The following RBM25 variants were observed in gnomAD, a reference collection of about 807,000 sequenced individuals.
RBM25 encodes the protein RNA-binding protein 25.
A neutral mutation model predicts 120.7 loss-of-function variants in RBM25; 19 were observed. That is an observed-to-expected ratio of 0.16 (90% confidence interval 0.11 to 0.23). RBM25 has a LOEUF of 0.23. Ranked by LOEUF, RBM25 falls within the 10% of genes least tolerant of loss-of-function variation. RBM25 has a pLI of 1.00. For synonymous variants in RBM25, 390 were observed against 326.7 expected (o/e 1.19, Z -2.09); for missense variants, 605 against 1,041.5 (o/e 0.58, Z 5.77).
chr14:73,082,064 G>C (rs1895575926), intron 4 of RBM25, among the ~76,000 whole-genome samples: 1 of 152,090 alleles, frequency 6.6e-6, no homozygotes, highest in Admixed American at 6.6e-5. Context: ...AACTCTGTTT[G>C]GATGTTGAGC....
chr14:73,112,335 G>T, intron 17 of RBM25, 85 bp downstream of exon 17: 1 of 1,281,716 alleles, frequency 7.8e-7, no homozygotes, highest in African/African-American at 1.6e-5. Context: ...AAATTTTACA[G>T]AGTCAAGTTC....
At chr14:73,097,521 G>C (rs1420000633) in intron 7 of RBM25, among the ~76,000 whole-genome samples, 1 of 152,056 alleles carries the variant, frequency 6.6e-6, no homozygotes, top group Admixed American at 6.6e-5. Flanking sequence ...TTTTTACAGA[G>C]ACAAGGTCTC....
intron 4 of RBM25, among the ~76,000 whole-genome samples, chr14:73,083,132 T>G (rs1303951046): frequency 6.6e-6 from 1 of 152,164 alleles, no homozygotes; most frequent in African/African-American, 2.4e-5. Flanking sequence ...AAAACATTTC[T>G]TTATAGATTC....
At chr14:73,114,630 A>G (rs1423593754) in intron 18 of RBM25, among the ~76,000 whole-genome samples, 1 of 152,194 alleles carries the variant, frequency 6.6e-6, no homozygotes, top group Non-Finnish European at 1.5e-5. Context: ...GGCCTGAATT[A>G]AAACTTGAGT....
At chr14:73,113,340 G>A (rs913165717) in intron 17 of RBM25, among the ~76,000 whole-genome samples, 18 of 151,808 alleles carry the variant, frequency 1.2e-4, no homozygotes, top group Non-Finnish European at 2.1e-4. Flanking sequence ...GCCCAAGTTG[G>A]CCTCCCAAAG....
At chr14:73,081,500 GA>G (rs1895562773) in intron 4 of RBM25, among the ~76,000 whole-genome samples, 1 of 144,580 alleles carries the variant, frequency 6.9e-6, no homozygotes, top group Non-Finnish European at 1.5e-5. Flanking sequence ...TTTATCCTTG[GA>G]TTTTTTTCTG....
At chr14:73,096,784 C>A in intron 6 of RBM25, 131 bp from the exon 7 acceptor site, 4 of 698,552 alleles carry the variant, frequency 5.7e-6, no homozygotes, top group Non-Finnish European at 7.0e-6. Context: ...AAGAACAAAA[C>A]CAATTCTGTG....
chr14:73,102,767 A>G (rs1990059), intron 9 of RBM25: 13,517 of 160,208 alleles, frequency 0.084, 686 homozygotes, highest in Middle Eastern at 0.21. Context: ...GAAACCCTCA[A>G]CTTGAGGTAA....
chr14:73,086,295 G>T (rs1290528630), intron 5 of RBM25, among the ~76,000 whole-genome samples: 1 of 151,956 alleles, frequency 6.6e-6, no homozygotes, highest in African/African-American at 2.4e-5. Flanking sequence ...GAAATTAGCT[G>T]AGTGTGGTGG....
intron 4 of RBM25, among the ~76,000 whole-genome samples, chr14:73,079,396 C>G (rs897483451): frequency 1.3e-5 from 2 of 150,680 alleles, no homozygotes; most frequent in Non-Finnish European, 3.0e-5. Context: ...GCACTCCAGC[C>G]TGGGTGACAA....
chr14:73,060,154 T>C (rs1365199662), intron 1 of RBM25, among the ~76,000 whole-genome samples: 1 of 151,960 alleles, frequency 6.6e-6, no homozygotes, highest in African/African-American at 2.4e-5. Context: ...TTCGCCTGCC[T>C]CAGCCTCCTG....
At chr14:73,082,558 T>A (rs1209814341) in intron 4 of RBM25, among the ~76,000 whole-genome samples, 1 of 152,158 alleles carries the variant, frequency 6.6e-6, no homozygotes, top group Non-Finnish European at 1.5e-5. Context: ...CCCAAAGTGT[T>A]GGGATTATAG....
intron 18 of RBM25, among the ~76,000 whole-genome samples, chr14:73,118,247 G>A (rs1194024861): frequency 6.6e-6 from 1 of 152,128 alleles, no homozygotes; most frequent in Non-Finnish European, 1.5e-5. Context: ...AGGCCAAGGT[G>A]CGCAGATTGC....
Position 73,107,006 on chromosome 14 carries a change from A to T in RBM25, c.1467+721A>T, listed in dbSNP as rs909162191. ...AGGCGTGTGCCACAACACCCAGCTA[A>T]TATTTTGTATTTTTAGTAGAGACGG... On this transcript the variant is annotated intron_variant, in intron 12 of 18. Coordinates refer to ENST00000261973, the MANE Select transcript of RBM25 (RefSeq NM_021239.3). Among the ~76,000 whole-genome samples the T allele has an allele frequency of 1.4e-4, 21 of 151,260 alleles. 1 individual carries two copies. The highest frequency in any genetic ancestry group is 5.1e-4 in the African/African-American group (21 of 41,184).
chr14:73,070,918 G>T (rs1450226873), intron 1 of RBM25, among the ~76,000 whole-genome samples: 3 of 147,790 alleles, frequency 2.0e-5, no homozygotes, highest in African/African-American at 5.0e-5. Context: ...CTGCACTCCA[G>T]CCTGGCGATA....
intron 3 of RBM25, among the ~76,000 whole-genome samples, 188 bp from the exon 4 acceptor site, chr14:73,077,181 C>T (rs1224013745): frequency 6.6e-6 from 1 of 152,158 alleles, no homozygotes; most frequent in Non-Finnish European, 1.5e-5. Flanking sequence ...TAGAAGTTTA[C>T]TTGTCACAAA....
In RBM25 at chr14:73,076,335, T is replaced by A; in HGVS notation, c.123T>A (p.Pro41=). 6.2e-7 allele frequency: 1 copy of A among 1,612,578 alleles called. No homozygotes were observed. The highest frequency in any genetic ancestry group is 8.5e-7 in the Non-Finnish European group (1 of 1,178,682). Residue 41 remains proline (P), a synonymous_variant, in exon 3 of 19, where the codon CCT becomes CCA. Transcript: ENST00000261973. The stretch of plus-strand genomic sequence containing the variant: ...TTTTCTTAGGGACCCCAATGATTCC[T>A]GTACCAATGAGCATTATGGCTCCTG... ...PPVPPGTPMI[P]VPMSIMAPAP...
At chr14:73,064,596 T>C (rs1895082158) in intron 1 of RBM25, among the ~76,000 whole-genome samples, 3 of 151,378 alleles carry the variant, frequency 2.0e-5, no homozygotes, top group South Asian at 4.2e-4. Flanking sequence ...GCTTTCACCA[T>C]GTTGGCCAGT....
intron 1 of RBM25, among the ~76,000 whole-genome samples, chr14:73,062,827 TTTTA>T (rs1249096084): frequency 6.6e-6 from 1 of 150,964 alleles, no homozygotes; most frequent in Admixed American, 6.6e-5. Context: ...GTTTCTGTTA[TTTTA>T]TTTAATTTTT....
Sources: gnomAD v4.1 joint callset for allele counts (sites outside exome capture counted in the v4.1 genomes callset) on GRCh38, gnomAD v4.1.1 for gene constraint, MANE v1.5 for transcripts, NCBI Gene and HGNC (gene_info 2026-07-23, HGNC 2026-07-21) for gene names.